KCNQ1: variants seen among roughly 807,000 people sequenced by gnomAD.
KCNQ1 encodes potassium voltage-gated channel subfamily Q member 1.
In KCNQ1, 49 loss-of-function variants were observed where a neutral mutation model predicts 72.4. The observed-to-expected ratio is 0.68, with a 90% CI of 0.54 to 0.86. The LOEUF (loss-of-function observed/expected upper bound fraction) is 0.86. Ranked by LOEUF, KCNQ1 falls within the 40% of genes least tolerant of loss-of-function variation. The pLI, the probability that KCNQ1 is intolerant of heterozygous loss-of-function variation, is 0.00. For missense variants in KCNQ1, 790 were observed against 945.1 expected (o/e 0.84, Z 2.15); for synonymous variants, 450 against 412.6 (o/e 1.09, Z -1.10).
chr11:2,749,327 G>T (rs1846187324), intron 11 of KCNQ1, among the ~76,000 whole-genome samples: 1 of 152,064 alleles, frequency 6.6e-6, no homozygotes, highest in African/African-American at 2.4e-5. Context: ...GCCTCGGCTG[G>T]GGGGCAAGCA....
rs1850440600 is a variant in KCNQ1, at chr11:2,683,888, T to C, written c.1514+21807T>C. The C allele has an allele frequency of 5.0e-6, 2 of 397,802 alleles. No homozygotes were observed. The highest frequency in any genetic ancestry group is 8.8e-6 in the Non-Finnish European group (2 of 226,012). The allele number at this position is 397,802 out of a possible 1,614,324, so 24.6% of individuals were successfully genotyped here. A position where few individuals can be genotyped will look rare whatever the true frequency, so the allele number is the denominator to read the frequency against. On this transcript the variant is annotated intron_variant, in intron 11 of 15. Coordinates refer to ENST00000155840, the MANE Select transcript of KCNQ1 (RefSeq NM_000218.3). The surrounding 1 kb of genome is among the most constrained non-coding windows in gnomAD (Gnocchi z 4.7). ...CTACATCTCTCTTCCAAATCATAAA[T>C]GCAAAAGATGGCCAAAGGTGCATGC...
chr11:2,584,572 AGTGTTT>A (rs1848563004), intron 7 of KCNQ1, among the ~76,000 whole-genome samples: 1 of 109,434 alleles, frequency 9.1e-6, no homozygotes, highest in Non-Finnish European at 1.8e-5. Flanking sequence ...TGTGTGTGTT[AGTGTTT>A]GTGTGTGTTT....
Position 2,653,453 on chromosome 11 carries a change from C to T in KCNQ1, c.1394-8508C>T. The T allele has an allele frequency of 2.5e-6, 1 of 398,588 alleles. No individual in the cohort carries two copies. Among genetic ancestry groups the T allele is most frequent in the South Asian group, 1.3e-4 (1 of 7,852 alleles). The allele number at this position is 398,588 out of a possible 1,614,324, so 24.7% of individuals were successfully genotyped here. On this transcript the variant is annotated intron_variant, in intron 10 of 15. Coordinates refer to ENST00000155840, the MANE Select transcript of KCNQ1 (RefSeq NM_000218.3). The surrounding 1 kb of genome is among the most constrained non-coding windows in gnomAD (Gnocchi z 5.3). Reference sequence around the variant, plus strand: ...TAAGCACAAAAGGGACATTTTTTGGCTCACACAGCTGGACCCAGCTGTTTC... The same window carrying T: ...TAAGCACAAAAGGGACATTTTTTGGTTCACACAGCTGGACCCAGCTGTTTC...
At chr11:2,731,839 C>A (rs1228652845) in intron 11 of KCNQ1, among the ~76,000 whole-genome samples, 1 of 152,256 alleles carries the variant, frequency 6.6e-6, no homozygotes, top group Non-Finnish European at 1.5e-5. Flanking sequence ...GCTAGAGCGT[C>A]TGATCACACC....
intron 1 of KCNQ1, among the ~76,000 whole-genome samples, chr11:2,459,222 C>T (rs1482122781): frequency 3.3e-5 from 5 of 152,208 alleles, no homozygotes; most frequent in South Asian, 2.1e-4. Context: ...GGTCTGTCTC[C>T]TCTGGGCGCC....
chr11:2,707,190 G>A (rs928031090), intron 11 of KCNQ1, among the ~76,000 whole-genome samples: 2 of 152,162 alleles, frequency 1.3e-5, no homozygotes, highest in Non-Finnish European at 2.9e-5. Flanking sequence ...GTGATGGGAT[G>A]CTGTAGGTGG....
rs553757497 is a variant in KCNQ1, at chr11:2,621,087, C to T, written c.1393+32233C>T. The T allele has an allele frequency of 7.6e-6, 3 of 397,222 alleles. No homozygotes were observed. Among genetic ancestry groups the T allele is most frequent in the South Asian group, 1.4e-4 (1 of 7,004 alleles). 24.6% of individuals were successfully genotyped at this position (397,222 alleles called of 1,614,324 possible). Reference sequence around the variant, plus strand: ...CCACCTCCTGGGTTCAAGCAATTCTCCTGTCTCAGACTCCTGAGTAGCTGG... The same window carrying T: ...CCACCTCCTGGGTTCAAGCAATTCTTCTGTCTCAGACTCCTGAGTAGCTGG... On this transcript the variant is annotated intron_variant, in intron 10 of 15. Coordinates refer to ENST00000155840, the MANE Select transcript of KCNQ1 (RefSeq NM_000218.3). This position sits in a 1 kb window ranked among gnomAD's most constrained non-coding sequence, Gnocchi z 5.7.
At position 2,621,969 on chromosome 11, in the gene KCNQ1, G is replaced by C. The variant is rs1052381030; in HGVS notation, c.1393+33115G>C. 2.5e-6 allele frequency: 1 copy of C among 398,076 alleles called. No homozygotes were observed. The highest frequency in any genetic ancestry group is 4.4e-6 in the Non-Finnish European group (1 of 225,876). 24.7% of individuals were successfully genotyped at this position (398,076 alleles called of 1,614,324 possible). A position where few individuals can be genotyped will look rare whatever the true frequency, so the allele number is the denominator to read the frequency against. On this transcript the variant is annotated intron_variant, in intron 10 of 15. Coordinates refer to ENST00000155840, the MANE Select transcript of KCNQ1 (RefSeq NM_000218.3). This position sits in a 1 kb window ranked among gnomAD's most constrained non-coding sequence, Gnocchi z 5.7. ...CTTGAGGTACAATTTTGGGCTATTT[G>C]AAATATCTCTTCTTTTTTAATGTAG...
intron 10 of KCNQ1, among the ~76,000 whole-genome samples, chr11:2,596,860 A>G (rs1848739612): frequency 6.6e-6 from 1 of 151,550 alleles, no homozygotes; most frequent in Non-Finnish European, 1.5e-5. Context: ...ATCTCAATAA[A>G]ACTGTTTATA....
rs191403240 is a variant in KCNQ1, at chr11:2,603,437, T to C, written c.1393+14583T>C. 1.1e-3 allele frequency among the ~76,000 whole-genome samples: 169 copies of C among 152,308 alleles called. 1 individual carries two copies. Among genetic ancestry groups the C allele is most frequent in the African/African-American group, 4.0e-3 (168 of 41,560 alleles). On this transcript the variant is annotated intron_variant, in intron 10 of 15. Coordinates refer to ENST00000155840, the MANE Select transcript of KCNQ1 (RefSeq NM_000218.3). This position sits in a 1 kb window ranked among gnomAD's most constrained non-coding sequence, Gnocchi z 4.1. The stretch of plus-strand genomic sequence containing the variant: ...AGTGCAAAAAAGTGAAGTGTGCCTG[T>C]GTATCCCCAGAGCTGTGCAACTGCC...
At chr11:2,814,579 T>A (rs761752655) in intron 15 of KCNQ1, among the ~76,000 whole-genome samples, 11 of 147,512 alleles carry the variant, frequency 7.5e-5, no homozygotes, top group Non-Finnish European at 1.3e-4. Flanking sequence ...ATGGGTAGAT[T>A]GAGAAATGAT....
intron 11 of KCNQ1, among the ~76,000 whole-genome samples, chr11:2,719,747 C>T (rs185599630): frequency 4.7e-4 from 71 of 152,300 alleles, no homozygotes; most frequent in African/African-American, 1.6e-3. Context: ...GTGTTTCTCA[C>T]CACACAGTGT....
intron 2 of KCNQ1, among the ~76,000 whole-genome samples, chr11:2,556,594 A>C (rs151006224): frequency 4.6e-5 from 7 of 152,158 alleles, no homozygotes; most frequent in Non-Finnish European, 1.0e-4. Flanking sequence ...AATATTTACT[A>C]TCTGGCTTTA....
In KCNQ1 at chr11:2,617,626, A is replaced by T. The variant is rs923674681; in HGVS notation, c.1393+28772A>T. ...ATGATAGTATATTTTCAATTTCTTTAGGAGCCACCATTCTGTTTTTCATTA... is the reference window on the plus strand; with the variant it reads ...ATGATAGTATATTTTCAATTTCTTTTGGAGCCACCATTCTGTTTTTCATTA... On this transcript the variant is annotated intron_variant, in intron 10 of 15. Coordinates refer to ENST00000155840, the MANE Select transcript of KCNQ1 (RefSeq NM_000218.3). The surrounding 1 kb of genome is among the most constrained non-coding windows in gnomAD (Gnocchi z 4.6). 3 of 398,340 alleles carry T rather than the reference A, an allele frequency of 7.5e-6. No individual in the cohort carries two copies. The highest frequency in any genetic ancestry group is 1.3e-5 in the Non-Finnish European group (3 of 225,970). The allele number at this position is 398,340 out of a possible 1,614,324, so 24.7% of individuals were successfully genotyped here. A position where few individuals can be genotyped will look rare whatever the true frequency, so the allele number is the denominator to read the frequency against.
At chr11:2,648,249 T>A (rs952502148) in intron 10 of KCNQ1, 42 of 398,670 alleles carry the variant, frequency 1.1e-4, no homozygotes, top group Non-Finnish European at 1.6e-4. Flanking sequence ...TTTGTCTTTT[T>A]TACCTTTTAT....
At chr11:2,719,879 A>G (rs1359436201) in intron 11 of KCNQ1, among the ~76,000 whole-genome samples, 4 of 152,230 alleles carry the variant, frequency 2.6e-5, no homozygotes, top group African/African-American at 7.2e-5. Context: ...CATCATTTTC[A>G]GTGACAGAAA....
chr11:2,574,180 G>T (rs1169201226), intron 6 of KCNQ1, among the ~76,000 whole-genome samples: 3 of 152,200 alleles, frequency 2.0e-5, no homozygotes, highest in Non-Finnish European at 4.4e-5. Context: ...GCAGGGCCAG[G>T]TGGGCCGTCC....
At chr11:2,733,624 G>A (rs961434546) in intron 11 of KCNQ1, among the ~76,000 whole-genome samples, 4 of 152,006 alleles carry the variant, frequency 2.6e-5, no homozygotes, top group Admixed American at 2.0e-4. Context: ...GGCACCTTGA[G>A]AGGAAGAACA....
At chr11:2,672,254 T>G (rs2133869662) in intron 11 of KCNQ1, 2 of 398,696 alleles carry the variant, frequency 5.0e-6, no homozygotes, top group East Asian at 7.1e-5. Context: ...TTTTCTGCTT[T>G]TCTTTTTGAA....
Sources: allele counts gnomAD v4.1 joint callset (sites outside exome capture counted in the v4.1 genomes callset), GRCh38; gene constraint gnomAD v4.1.1; non-coding constraint Gnocchi (gnomAD v3.1); transcripts MANE v1.5; gene names NCBI Gene and HGNC (gene_info 2026-07-23, HGNC 2026-07-21).